The following MED23 variants were observed in gnomAD, a reference collection of about 807,000 sequenced individuals.
MED23 encodes mediator complex subunit 23.
A neutral mutation model predicts 163.9 loss-of-function variants in MED23; 105 were observed. That is an observed-to-expected ratio of 0.64 (90% confidence interval 0.55 to 0.75). MED23 has a LOEUF of 0.75. MED23 is among the 30% of genes least tolerant of loss of function. The pLI is 0.00. For missense variants in MED23, 1,054 were observed against 1,649.0 expected (o/e 0.64, Z 6.25); for synonymous variants, 561 against 565.6 (o/e 0.99, Z 0.12).
downstream of MED23, chr6:131,582,743 C>G: frequency 6.2e-7 from 1 of 1,604,510 alleles, no homozygotes; most frequent in East Asian, 2.2e-5. Context: ...TGTGATTTGC[C>G]TCCATTTTTG....
chr6:131,583,226 A>G (rs1774029341), downstream of MED23: 2 of 1,597,100 alleles, frequency 1.3e-6, no homozygotes, highest in African/African-American at 1.3e-5. Context: ...ACTGACAACC[A>G]AAGTTATTAA....
downstream of MED23, chr6:131,582,626 C>T (rs766853875): frequency 1.4e-5 from 23 of 1,613,024 alleles, no homozygotes; most frequent in Admixed American, 5.0e-5. Flanking sequence ...TTTAGATTCC[C>T]GATGTGCCAG....
downstream of MED23, chr6:131,583,824 A>G (rs750083218): frequency 2.5e-6 from 4 of 1,614,060 alleles, no homozygotes; most frequent in African/African-American, 5.3e-5. Context: ...CAGTGAACAC[A>G]GCAGTTGCAA....
intron 13 of MED23, among the ~76,000 whole-genome samples, 163 bp downstream of exon 13, chr6:131,606,316 T>C (rs935179964): frequency 6.6e-6 from 1 of 152,100 alleles, no homozygotes; most frequent in African/African-American, 2.4e-5. Flanking sequence ...ATATAGGTAC[T>C]GGTCAGATTC....
Position 131,587,710 on chromosome 6 carries a change from T to C in MED23, c.4076A>G (p.Gln1359Arg). ...AGTTACTGGTAAAGACACGGGCACC[T>C]GATTAGACTGAGGTGCTGGAGACCC... ...NSGSPAPQSN[Q>R]VPVSLPVTQ The change falls in exon 29 of 29, where the codon CAG becomes CGG. Residue 1359 changes from glutamine to arginine, a missense_variant. Transcript: ENST00000368068. 1 of 1,614,166 alleles carries C rather than the reference T, an allele frequency of 6.2e-7. No individual in the cohort carries two copies. The highest frequency in any genetic ancestry group is 8.5e-7 in the Non-Finnish European group (1 of 1,180,008).
Position 131,599,961 on chromosome 6 carries a change from G to C in MED23, c.2220+77C>G, listed in dbSNP as rs527792335. On this transcript the variant is annotated intron_variant, in intron 18 of 28. Transcript: ENST00000368068. ...GCTAATTTTATTCAGAAGTCACCAAGACTCACTCTAGAACACCATTGTGAA... is the reference window on the plus strand; with the variant it reads ...GCTAATTTTATTCAGAAGTCACCAACACTCACTCTAGAACACCATTGTGAA... 6.5e-6 allele frequency: 10 copies of C among 1,528,640 alleles called. No homozygotes were observed. The South Asian group carries it at 1.1e-4, about 17-fold the overall frequency. 94.7% of individuals were successfully genotyped at this position (1,528,640 alleles called of 1,614,324 possible). A position where few individuals can be genotyped will look rare whatever the true frequency, so the allele number is the denominator to read the frequency against.
chr6:131,625,804 A>G (rs1777442988), intron 3 of MED23, among the ~76,000 whole-genome samples: 1 of 152,100 alleles, frequency 6.6e-6, no homozygotes, highest in Admixed American at 6.5e-5. Flanking sequence ...AAAAAGCTTA[A>G]CACTCTATTG....
chr6:131,620,776 T>A, intron 6 of MED23, 47 bp from the exon 7 acceptor site: 4 of 1,047,020 alleles, frequency 3.8e-6, no homozygotes, highest in Non-Finnish European at 5.8e-6. Context: ...GTCCCACATA[T>A]AAGCCCTTTA....
Position 131,586,943 on chromosome 6 carries a change from A to G in MED23, c.*736T>C. On this transcript the variant is annotated 3_prime_UTR_variant, in exon 29 of 29. Transcript: ENST00000368068. ...TGTCAGGTGAGAGTGTCAACCTGCA[A>G]AAGCAATTAACTTATTTTTAAAAAA... is the stretch of plus-strand genomic sequence containing the variant. 1 of 1,488,886 alleles carries G rather than the reference A, an allele frequency of 6.7e-7. No homozygotes were observed. The highest frequency in any genetic ancestry group is 9.0e-7 in the Non-Finnish European group (1 of 1,108,738). 92.2% of individuals were successfully genotyped at this position (1,488,886 alleles called of 1,614,324 possible).
At chr6:131,581,874 C>T (rs1388562312), downstream of MED23, among the ~76,000 whole-genome samples, 1 of 152,118 alleles carries the variant, frequency 6.6e-6, no homozygotes, top group South Asian at 2.1e-4. Flanking sequence ...GGGAGAAGCA[C>T]CTATCTAAAT....
In MED23 at chr6:131,615,385, A is replaced by T. The variant is rs1022544150; in HGVS notation, c.876+522T>A. On this transcript the variant is annotated intron_variant, in intron 10 of 28. Transcript: ENST00000368068. ...GGCAGGACAAGACAGGACAGAACAA[A>T]AATAAAGGAAGAAAAAAAGAAAAGA... 1.9e-6 allele frequency: 3 copies of T among 1,594,678 alleles called. No homozygotes were observed. In the African/African-American group the frequency reaches 4.0e-5, roughly 21 times the overall value.
At chr6:131,618,107 C>T (rs962127701) in intron 9 of MED23, among the ~76,000 whole-genome samples, 9 of 152,072 alleles carry the variant, frequency 5.9e-5, no homozygotes, top group Admixed American at 3.9e-4. Context: ...AGCTCTACTA[C>T]TTTTAAAATG....
At chr6:131,590,756 T>C (rs1405575474) in intron 26 of MED23, among the ~76,000 whole-genome samples, 1 of 151,476 alleles carries the variant, frequency 6.6e-6, no homozygotes, top group African/African-American at 2.4e-5. Flanking sequence ...CTAGCTGGGA[T>C]TACAGGTGCA....
At chr6:131,623,507 C>G in intron 4 of MED23, 45 bp from the exon 5 acceptor site, 1 of 1,518,068 alleles carries the variant, frequency 6.6e-7, no homozygotes, top group South Asian at 1.1e-5. Flanking sequence ...ACAGAATTTT[C>G]CAAGTTCTCT....
chr6:131,577,460 C>T (rs1031526459), intron 30 of MED23, among the ~76,000 whole-genome samples: 1 of 152,100 alleles, frequency 6.6e-6, no homozygotes, highest in African/African-American at 2.4e-5. Context: ...GTTTTCATTT[C>T]TCTTGGGTAA....
In MED23 at chr6:131,589,551, T is replaced by C. The variant is rs1275848812; in HGVS notation, c.3853A>G (p.Ser1285Gly). The change falls in exon 28 of 29, where the codon AGC becomes GGC. Residue 1285 changes from serine (S) to glycine (G), a missense_variant. Transcript: ENST00000368068. ...GGATCCATGTAATTTAAATGGGTGCTACACTGGTCAACATTCAGCAGCATG... is the reference window on the plus strand; with the variant it reads ...GGATCCATGTAATTTAAATGGGTGCCACACTGGTCAACATTCAGCAGCATG... ...YDMLLNVDQCSTHLNYMDPIC... is the reference protein window; with the variant it reads ...YDMLLNVDQCGTHLNYMDPIC... 21 of 1,613,896 alleles carry C rather than the reference T, an allele frequency of 1.3e-5. No individual in the cohort carries two copies. Among genetic ancestry groups the C allele is most frequent in the Non-Finnish European group, 1.7e-5 (20 of 1,179,798 alleles).
rs562667790 is a variant in MED23, at chr6:131,604,458, C to T, written c.1614-138G>A. 5.1e-6 allele frequency: 5 copies of T among 989,008 alleles called. No homozygotes were observed. The South Asian group carries it at 7.2e-5, about 14-fold the overall frequency. 61.3% of individuals were successfully genotyped at this position (989,008 alleles called of 1,614,324 possible). On this transcript the variant is annotated intron_variant, in intron 14 of 28. Coordinates refer to ENST00000368068, the MANE Select transcript of MED23 (RefSeq NM_004830.4). ...AGTTGATTCATTTAATGTGTTTAAGCTGTGCAGGACACTTGGTAAGGATGC... is the reference window on the plus strand; with the variant it reads ...AGTTGATTCATTTAATGTGTTTAAGTTGTGCAGGACACTTGGTAAGGATGC...
Position 131,598,948 on chromosome 6 carries a change from G to C in MED23, c.2221-187C>G, listed in dbSNP as rs975623937. ...ATAAGCTTGACTAGATTATCTCCAA[G>C]ATTCCTTTTCCTAGATTTCCTAAAT... On this transcript the variant is annotated intron_variant, in intron 18 of 28. Transcript: ENST00000368068. This position sits in a 1 kb window ranked among gnomAD's most constrained non-coding sequence, Gnocchi z 4.7. Among the ~76,000 whole-genome samples, 25 of 152,114 alleles carry C rather than the reference G, an allele frequency of 1.6e-4. No individual in the cohort carries two copies. Among genetic ancestry groups the C allele is most frequent in the Non-Finnish European group, 3.2e-4 (22 of 68,018 alleles).
In MED23 at chr6:131,587,043, T is replaced by G; in HGVS notation, c.*636A>C. ...TCAGATGTTATTTTCTTACATGGCT[T>G]CCAACTAATTTTATACAGTAAGTTC... is the stretch of plus-strand genomic sequence containing the variant. On this transcript the variant is annotated 3_prime_UTR_variant, in exon 29 of 29. Transcript: ENST00000368068. 2.1e-6 allele frequency: 3 copies of G among 1,420,970 alleles called. No homozygotes were observed. In the South Asian group the frequency reaches 5.0e-5, roughly 24 times the overall value. 88.0% of individuals were successfully genotyped at this position (1,420,970 alleles called of 1,614,324 possible). A position where few individuals can be genotyped will look rare whatever the true frequency, so the allele number is the denominator to read the frequency against.
Sources: gnomAD v4.1 joint callset for allele counts (sites outside exome capture counted in the v4.1 genomes callset) on GRCh38, gnomAD v4.1.1 for gene constraint, Gnocchi (gnomAD v3.1) non-coding constraint, MANE v1.5 for transcripts, NCBI Gene and HGNC (gene_info 2026-07-23, HGNC 2026-07-21) for gene names.